SYN1: variants seen among roughly 807,000 people sequenced by gnomAD.
SYN1 encodes synapsin I, also known as synapsin-1.
Under a neutral mutation model 44.6 loss-of-function variants are expected in SYN1, and 8 were observed. The ratio of observed to expected loss-of-function variants is 0.18; its 90% CI spans 0.11 to 0.32. SYN1 has a LOEUF of 0.32. SYN1 is among the 10% of genes least tolerant of loss of function. The pLI is 1.00. For synonymous variants in SYN1, 275 were observed against 280.1 expected, an observed-to-expected ratio of 0.98 and a Z score of 0.18; for missense variants, 451 against 639.4, an observed-to-expected ratio of 0.71 and a Z score of 3.18.
At chrX:47,594,235 CAA>C (rs763500888) in intron 5 of SYN1, among the ~76,000 whole-genome samples, 15 of 82,591 alleles carry the variant, frequency 1.8e-4, no homozygotes, top group Admixed American at 1.4e-4. Context: ...GACTCTATCT[CAA>C]AAAAAAAAAA....
intron 5 of SYN1, among the ~76,000 whole-genome samples, chrX:47,580,619 G>A (rs1193806856): frequency 5.1e-5 from 5 of 97,492 alleles, no homozygotes; most frequent in African/African-American, 1.5e-4. Context: ...AAACAAGATC[G>A]AAACTCTGTC....
At chrX:47,578,946 G>A (rs1031385831) in intron 5 of SYN1, among the ~76,000 whole-genome samples, 7 of 111,932 alleles carry the variant, frequency 6.3e-5, no homozygotes, top group Non-Finnish European at 1.1e-4. Flanking sequence ...ATGTTGGGAC[G>A]GGGGTTTGGG....
intron 5 of SYN1, among the ~76,000 whole-genome samples, chrX:47,588,227 C>T (rs2057834187): frequency 8.9e-6 from 1 of 112,918 alleles, no homozygotes; most frequent in African/African-American, 3.2e-5. Flanking sequence ...CCGAAGGGGC[C>T]AACCGCAGCC....
chrX:47,615,673 G>A (rs930718747), intron 1 of SYN1, among the ~76,000 whole-genome samples: 2 of 111,781 alleles, frequency 1.8e-5, no homozygotes, highest in Non-Finnish European at 3.8e-5. Context: ...CTGGGAGGCC[G>A]AGGTGGGTGG....
intron 5 of SYN1, among the ~76,000 whole-genome samples, chrX:47,603,433 G>A (rs1384458304): frequency 2.7e-5 from 3 of 111,344 alleles, no homozygotes; most frequent in East Asian, 2.8e-4. Flanking sequence ...CTGGGCTCAC[G>A]AGATCCTCCC....
Position 47,574,364 on chromosome X carries a change from G to A in SYN1, c.1620C>T (p.Pro540=). 1 of 1,025,671 alleles carries A rather than the reference G, an allele frequency of 9.7e-7. No individual in the cohort carries two copies. The highest frequency in any genetic ancestry group is 1.2e-6 in the Non-Finnish European group (1 of 810,817). 84.5% of individuals were successfully genotyped at this position (1,025,671 alleles called of 1,213,427 possible). The change falls in exon 12 of 13, where the codon CCC becomes CCT. Residue 540 remains proline (P), a synonymous_variant. Transcript: ENST00000295987. ...GCGGGCGGGCTGCTGGAGGCGCCCC[G>A]GGGCCTCCCGCCACTGGCCGGGATT... ...GRQSRPVAGG[P]GAPPAARPPA...
chrX:47,575,057 T>C (rs2057773104), intron 10 of SYN1, 71 bp downstream of exon 10: 10 of 1,138,533 alleles, frequency 8.8e-6, no homozygotes, highest in Non-Finnish European at 1.2e-5. Context: ...ATCAGCTTCA[T>C]GGCACAGCAT....
intron 5 of SYN1, chrX:47,586,407 G>A: frequency 9.0e-7 from 1 of 1,112,691 alleles, no homozygotes; most frequent in East Asian, 3.1e-5. Flanking sequence ...GTACTTAGGT[G>A]GGGTGAGAGC....
chrX:47,613,596 A>G (rs937237402), intron 1 of SYN1, among the ~76,000 whole-genome samples: 1 of 111,703 alleles, frequency 9.0e-6, no homozygotes, highest in Admixed American at 9.5e-5. Context: ...GGGCTTACAT[A>G]ACGTTTGATC....
chrX:47,575,675 A>G lies in SYN1; in HGVS notation c.1159-401T>C, dbSNP rs187291988. Among the ~76,000 whole-genome samples, 333 of 112,488 alleles carry G rather than the reference A, an allele frequency of 3.0e-3. 2 individuals carry two copies. Among genetic ancestry groups the G allele is most frequent in the African/African-American group, 0.01 (320 of 30,974 alleles). ...CACTTATTTTTTTAACATATCGTCT[A>G]TGGCTGCTTTTGCAGAGTTGAGTAG... is the stretch of plus-strand genomic sequence containing the variant. On this transcript the variant is annotated intron_variant, in intron 9 of 12. Transcript: ENST00000295987.
At position 47,574,265 on chromosome X, in the gene SYN1, A is replaced by G; in HGVS notation, c.1719T>C (p.Ala573=). Residue 573 remains alanine (A), a synonymous_variant, in exon 12 of 13, where the codon GCT becomes GCC. Coordinates refer to ENST00000295987, the MANE Select transcript of SYN1 (RefSeq NM_006950.3). ...ATRQTSVSGP[A]PPKASGAPPG... is the part of the protein sequence containing the mutation. ...GTGGGGCCCCAGAGGCCTTTGGCGG[A>G]GCCGGGCCAGAGACGGATGTCTGAC... 9.1e-7 allele frequency: 1 copy of G among 1,103,283 alleles called. No homozygotes were observed. Among genetic ancestry groups the G allele is most frequent in the Non-Finnish European group, 1.2e-6 (1 of 848,862 alleles). 90.9% of individuals were successfully genotyped at this position (1,103,283 alleles called of 1,213,427 possible). A position where few individuals can be genotyped will look rare whatever the true frequency, so the allele number is the denominator to read the frequency against.
At chrX:47,597,307 C>G (rs775545701) in intron 5 of SYN1, among the ~76,000 whole-genome samples, 1 of 106,229 alleles carries the variant, frequency 9.4e-6, no homozygotes, top group Non-Finnish European at 1.9e-5. Context: ...TGCACTCTAG[C>G]CTGGGTGACA....
intron 5 of SYN1, chrX:47,586,500 T>G: frequency 8.3e-7 from 1 of 1,206,830 alleles, no homozygotes; most frequent in Non-Finnish European, 1.1e-6. Context: ...CCCTCAGAGA[T>G]GTTTCCCTCC....
chrX:47,583,281 C>T, intron 5 of SYN1: 1 of 470,872 alleles, frequency 2.1e-6, no homozygotes, highest in Admixed American at 4.0e-5. Context: ...CTTACCAACC[C>T]CTCAAGCCCA....
At chrX:47,583,441 C>A (rs1482757210) in intron 5 of SYN1, 1 of 1,207,881 alleles carries the variant, frequency 8.3e-7, no homozygotes, top group Non-Finnish European at 1.1e-6. Context: ...CCCCTGGCTT[C>A]TGGCATCCTG....
In SYN1 at chrX:47,574,737, G is replaced by A; in HGVS notation, c.1344C>T (p.Thr448=). 1 of 1,190,109 alleles carries A rather than the reference G, an allele frequency of 8.4e-7. No homozygotes were observed. ...CCGGGGGCCCTGCGGGCTGCTGGGA[G>A]GTCTGGCGGCCCAAGGGCAGGGCCC... The part of the protein sequence containing the change: ...SPGALPLGRQ[T]SQQPAGPPAQ... Residue 448 remains threonine (T), a synonymous_variant, in exon 11 of 13, where the codon ACC becomes ACT. Coordinates refer to ENST00000295987, the MANE Select transcript of SYN1 (RefSeq NM_006950.3).
chrX:47,574,180 G>T lies in SYN1; in HGVS notation c.1804C>A (p.Arg602Ser). The change falls in exon 12 of 13, where the codon CGC becomes AGC. Residue 602 changes from arginine (R) to serine (S), a missense_variant. Transcript: ENST00000295987. ...QKPPGPAGPT[R>S]QASQAGPVPR... ...ACGGGACCCGCCTGGCTGGCCTGGC[G>T]TGTGGGGCCGGCTGGGCCTGGGGGT... The T allele has an allele frequency of 3.8e-6, 4 of 1,058,385 alleles. No homozygotes were observed. The highest frequency in any genetic ancestry group is 4.8e-6 in the Non-Finnish European group (4 of 828,419). The allele number at this position is 1,058,385 out of a possible 1,213,427, so 87.2% of individuals were successfully genotyped here.
intron 5 of SYN1, among the ~76,000 whole-genome samples, chrX:47,597,059 C>T (rs749547762): frequency 8.9e-6 from 1 of 111,902 alleles, no homozygotes; most frequent in East Asian, 2.8e-4. Flanking sequence ...CTGGGCCGGG[C>T]ATGGTGGCTC....
intron 5 of SYN1, among the ~76,000 whole-genome samples, chrX:47,602,382 G>A (rs911987243): frequency 7.1e-5 from 8 of 112,059 alleles, no homozygotes; most frequent in Middle Eastern, 9.2e-3. Flanking sequence ...GATTCAAGCC[G>A]GGCATGGTGG....
Sources: allele counts gnomAD v4.1 joint callset (sites outside exome capture counted in the v4.1 genomes callset), GRCh38; gene constraint gnomAD v4.1.1; transcripts MANE v1.5; gene names NCBI Gene and HGNC (gene_info 2026-07-23, HGNC 2026-07-21).